SGSM2: variants seen among roughly 807,000 people sequenced by gnomAD.
SGSM2 encodes the protein RUN and TBC1 domain containing 1.
Under a neutral mutation model 126.6 loss-of-function variants are expected in SGSM2, and 89 were observed. The ratio of observed to expected loss-of-function variants is 0.70; its 90% CI spans 0.59 to 0.84. The LOEUF (loss-of-function observed/expected upper bound fraction) is 0.84, where lower values mean the gene tolerates loss of function less well. Ranked by LOEUF, SGSM2 falls within the 40% of genes least tolerant of loss-of-function variation. SGSM2 has a pLI of 0.00. For synonymous variants in SGSM2, 614 were observed against 574.3 expected (o/e 1.07, Z -0.99); for missense variants, 1,404 against 1,416.6 (o/e 0.99, Z 0.14).
chr17:2,373,177 C>G, intron 16 of SGSM2, 96 bp downstream of exon 16: 3 of 1,562,122 alleles, frequency 1.9e-6, no homozygotes, highest in Non-Finnish European at 2.6e-6. Context: ...CCTTCCCAGC[C>G]GGAAAGAAGC....
intron 12 of SGSM2, among the ~76,000 whole-genome samples, chr17:2,371,044 G>A (rs2065843734): frequency 6.6e-6 from 1 of 152,190 alleles, no homozygotes; most frequent in African/African-American, 2.4e-5. Context: ...GACGCCTTGC[G>A]CCCCTCTCCA....
In SGSM2 at chr17:2,362,423, C is replaced by T. The variant is rs190972005; in HGVS notation, c.458+153C>T. On this transcript the variant is annotated intron_variant, in intron 4 of 23. Coordinates refer to ENST00000268989, the MANE Select transcript of SGSM2 (RefSeq NM_014853.3). The surrounding 1 kb of genome is among the most constrained non-coding windows in gnomAD (Gnocchi z 4.9). Reference sequence around the variant, plus strand: ...CGTTCCCCCCAAAACTGCAGGTGACCGCCCCGTTCCCAAAAACTGCAGGTG... The same window carrying T: ...CGTTCCCCCCAAAACTGCAGGTGACTGCCCCGTTCCCAAAAACTGCAGGTG... Among the ~76,000 whole-genome samples, 35 of 146,396 alleles carry T rather than the reference C, an allele frequency of 2.4e-4. 1 individual carries two copies. Among genetic ancestry groups the T allele is most frequent in the African/African-American group, 8.9e-4 (35 of 39,260 alleles).
intron 8 of SGSM2, 183 bp from the exon 9 acceptor site, chr17:2,364,413 C>T (rs2065461902): frequency 3.7e-6 from 3 of 813,154 alleles, no homozygotes; most frequent in Non-Finnish European, 5.9e-6. Context: ...CTGAGACGGA[C>T]AGCTGTCCAT....
intron 2 of SGSM2, among the ~76,000 whole-genome samples, chr17:2,351,749 G>A (rs1048175085): frequency 6.6e-6 from 1 of 152,080 alleles, no homozygotes; most frequent in Non-Finnish European, 1.5e-5. Flanking sequence ...TTGTAGAGAC[G>A]GGGTTTCGCC....
At position 2,372,059 on chromosome 17, in the gene SGSM2, G is replaced by A; in HGVS notation, c.1578-131G>A. The A allele has an allele frequency of 9.4e-7, 1 of 1,067,354 alleles. No homozygotes were observed. The highest frequency in any genetic ancestry group is 2.4e-5 in the East Asian group (1 of 41,510). The allele number at this position is 1,067,354 out of a possible 1,614,324, so 66.1% of individuals were successfully genotyped here. On this transcript the variant is annotated intron_variant, in intron 13 of 23. Coordinates refer to ENST00000268989, the MANE Select transcript of SGSM2 (RefSeq NM_014853.3). This position sits in a 1 kb window ranked among gnomAD's most constrained non-coding sequence, Gnocchi z 6.0. ...CAGGGCACCCACTGACGGCTGCTGGGCTGCGGCTCCTCCTCCTCGCACCCT... is the reference window on the plus strand; with the variant it reads ...CAGGGCACCCACTGACGGCTGCTGGACTGCGGCTCCTCCTCCTCGCACCCT...
At chr17:2,375,264 A>C (rs1028532776) in intron 17 of SGSM2, 1 of 491,198 alleles carries the variant, frequency 2.0e-6, no homozygotes, top group Non-Finnish European at 3.5e-6. Context: ...CTGTTCCTTC[A>C]AGCAGGGCTG....
chr17:2,378,030 A>G (rs1371332781), intron 22 of SGSM2, 77 bp downstream of exon 22: 23 of 941,966 alleles, frequency 2.4e-5, no homozygotes, highest in Admixed American at 3.8e-5. Flanking sequence ...AACAGTTCTC[A>G]ATCCTAACTG....
At chr17:2,376,044 T>C (rs2066129552) in intron 18 of SGSM2, 93 bp from the exon 19 acceptor site, 1 of 1,584,336 alleles carries the variant, frequency 6.3e-7, no homozygotes, top group African/African-American at 1.3e-5. Flanking sequence ...GTCTCTGGGT[T>C]CCGTTTTGCT....
Position 2,362,804 on chromosome 17 carries a change from A to C in SGSM2, c.459-34A>C, listed in dbSNP as rs1320019451. ...TTGACTGCCCTGGAATGAGCCCCGG[A>C]GCCTCGGCAGTCACACTGTCTGTCT... On this transcript the variant is annotated intron_variant, in intron 4 of 23. Coordinates refer to ENST00000268989, the MANE Select transcript of SGSM2 (RefSeq NM_014853.3). This position sits in a 1 kb window ranked among gnomAD's most constrained non-coding sequence, Gnocchi z 4.9. 2 of 1,611,064 alleles carry C rather than the reference A, an allele frequency of 1.2e-6. No homozygotes were observed. Among genetic ancestry groups the C allele is most frequent in the Non-Finnish European group, 1.7e-6 (2 of 1,178,216 alleles).
Position 2,361,676 on chromosome 17 carries a change from G to A in SGSM2, c.173G>A (p.Arg58His), listed in dbSNP as rs200116777. Residue 58 changes from arginine to histidine, a missense_variant, in exon 3 of 24, where the codon CGT (arginine) becomes CAT (histidine). Arg to His is a conservative substitution (Grantham distance 29). Coordinates refer to ENST00000268989, the MANE Select transcript of SGSM2 (RefSeq NM_014853.3). Reference sequence around the variant, plus strand: ...TGCCTCTTGCATCAGCTGAGACGCCGTGCCGCTGGCTTCCTGCGCAGTGAC... The same window carrying A: ...TGCCTCTTGCATCAGCTGAGACGCCATGCCGCTGGCTTCCTGCGCAGTGAC... ...EACLLHQLRR[R>H]AAGFLRSDKM... is the part of the protein sequence containing the mutation. 32 of 1,613,986 alleles carry A rather than the reference G, an allele frequency of 2.0e-5. No homozygotes were observed. In the East Asian group the frequency reaches 5.6e-4, roughly 28 times the overall value.
intron 12 of SGSM2, among the ~76,000 whole-genome samples, chr17:2,369,702 C>T (rs1335581056): frequency 6.6e-6 from 1 of 151,996 alleles, no homozygotes; most frequent in Non-Finnish European, 1.5e-5. Context: ...CCCTGTTGCC[C>T]TCCCTGCCTG....
intron 2 of SGSM2, among the ~76,000 whole-genome samples, chr17:2,358,783 G>T (rs1301463641): frequency 6.6e-6 from 1 of 151,814 alleles, no homozygotes; most frequent in African/African-American, 2.4e-5. Context: ...AGGAAAAAAA[G>T]CACTCTCCTA....
chr17:2,374,109 C>G (rs960550684), intron 17 of SGSM2: 1 of 152,376 alleles, frequency 6.6e-6, no homozygotes, highest in African/African-American at 2.4e-5. Flanking sequence ...TCACTCCTGC[C>G]TTTTGAACAG....
In SGSM2 at chr17:2,376,920, G is replaced by A. The variant is rs544807188; in HGVS notation, c.2693-39G>A. ...AATGGGAGCCGGCTCTGTCCCCTGC[G>A]TCTCCTGCCCTGCCAGCTTCACTCC... On this transcript the variant is annotated intron_variant, in intron 20 of 23. Coordinates refer to ENST00000268989, the MANE Select transcript of SGSM2 (RefSeq NM_014853.3). 25 of 1,602,498 alleles carry A rather than the reference G, an allele frequency of 1.6e-5. No homozygotes were observed. In the East Asian group the frequency reaches 1.8e-4, roughly 11 times the overall value.
rs1567822023 is a variant in SGSM2 at position 2,362,172 on chromosome 17, G to GA, written c.360_361insA (p.Ala121SerfsTer65). ...AGGGCTCAGCCAGCGGGAAGGCCCC[G>GA]GCCCTCAGCCCTCAGGCCTTGAAAC... On this transcript the variant is annotated frameshift_variant, in exon 4 of 24. Coordinates refer to ENST00000268989, the MANE Select transcript of SGSM2 (RefSeq NM_014853.3). LOFTEE classifies it high-confidence loss of function. The surrounding 1 kb of genome is among the most constrained non-coding windows in gnomAD (Gnocchi z 4.9). The GA allele has an allele frequency of 6.2e-7, 1 of 1,613,958 alleles. No homozygotes were observed. Among genetic ancestry groups the GA allele is most frequent in the Non-Finnish European group, 8.5e-7 (1 of 1,180,020 alleles).
chr17:2,358,364 A>C lies in SGSM2; in HGVS notation c.134-3273A>C, dbSNP rs573442632. Among the ~76,000 whole-genome samples, 72 of 152,108 alleles carry C rather than the reference A, an allele frequency of 4.7e-4. 1 individual carries two copies. Among genetic ancestry groups the C allele is most frequent in the Non-Finnish European group, 8.5e-4 (58 of 67,982 alleles). ...ACTAGATGCGGGATGGCATGTGTTTATGTCTCCATGTATGTTTCAATTAGT... is the reference window on the plus strand; with the variant it reads ...ACTAGATGCGGGATGGCATGTGTTTCTGTCTCCATGTATGTTTCAATTAGT... On this transcript the variant is annotated intron_variant, in intron 2 of 23. Coordinates refer to ENST00000268989, the MANE Select transcript of SGSM2 (RefSeq NM_014853.3).
rs1597323865 is a variant in SGSM2, at chr17:2,350,051, T to C, written c.133+6431T>C. ...ATCCGCCCACCTCGGCCTCCCAAAG[T>C]GCTGGGATTACAGGCGTAAGCCACC... On this transcript the variant is annotated intron_variant, in intron 2 of 23. Coordinates refer to ENST00000268989, the MANE Select transcript of SGSM2 (RefSeq NM_014853.3). Among the ~76,000 whole-genome samples the C allele has an allele frequency of 2.0e-5, 3 of 151,928 alleles. No individual in the cohort carries two copies. The East Asian group carries it at 5.9e-4, about 30-fold the overall frequency.
intron 2 of SGSM2, among the ~76,000 whole-genome samples, chr17:2,344,611 C>T (rs1249932246): frequency 6.6e-6 from 1 of 152,144 alleles, no homozygotes; most frequent in Non-Finnish European, 1.5e-5. Flanking sequence ...GAGTCTCTGC[C>T]GCAGGAGCTT....
Position 2,372,101 on chromosome 17 carries a change from GCCC to G in SGSM2, c.1578-85_1578-83del, listed in dbSNP as rs555744252. The G allele has an allele frequency of 8.3e-5, 123 of 1,488,936 alleles. 2 individuals carry two copies. In the East Asian group the frequency reaches 2.7e-3, roughly 32 times the overall value. The allele number at this position is 1,488,936 out of a possible 1,614,324, so 92.2% of individuals were successfully genotyped here. On this transcript the variant is annotated intron_variant, in intron 13 of 23. Transcript: ENST00000268989. The surrounding 1 kb of genome is among the most constrained non-coding windows in gnomAD (Gnocchi z 6.0). The stretch of plus-strand genomic sequence containing the variant: ...TCGCACCCTCCCCAGTGCCTTACCT[GCCC>G]CCCAGGACAGAGCCTCCTCCCTTCT...
Sources: gnomAD v4.1 joint callset for allele counts (sites outside exome capture counted in the v4.1 genomes callset) on GRCh38, gnomAD v4.1.1 for gene constraint, Gnocchi (gnomAD v3.1) non-coding constraint, MANE v1.5 for transcripts, NCBI Gene and HGNC (gene_info 2026-07-23, HGNC 2026-07-21) for gene names.